PLEKHG3: variants seen among roughly 807,000 people sequenced by gnomAD.
PLEKHG3 encodes the protein pleckstrin homology domain-containing family G member 3.
PLEKHG3 carries 62 observed loss-of-function variants against 94.9 expected under a neutral mutation model. The ratio of observed to expected loss-of-function variants is 0.65; its 90% CI spans 0.53 to 0.81. The LOEUF (loss-of-function observed/expected upper bound fraction) is 0.81. Among genes scored for constraint, PLEKHG3 ranks in the 30% least tolerant of loss-of-function variants. The pLI is 0.00. For synonymous variants in PLEKHG3, 614 were observed against 654.0 expected (o/e 0.94, Z 0.93); for missense variants, 1,461 against 1,619.3 (o/e 0.90, Z 1.68).
chr14:64,715,952 T>C lies in PLEKHG3; in HGVS notation c.-40+11248T>C. 2 of 441,910 alleles carry C rather than the reference T, an allele frequency of 4.5e-6. No homozygotes were observed. The highest frequency in any genetic ancestry group is 9.0e-6 in the Non-Finnish European group (2 of 221,036). The allele number at this position is 441,910 out of a possible 1,614,324, so 27.4% of individuals were successfully genotyped here. A position where few individuals can be genotyped will look rare whatever the true frequency, so the allele number is the denominator to read the frequency against. On this transcript the variant is annotated intron_variant, in intron 1 of 16. Transcript: ENST00000247226. This position sits in a 1 kb window ranked among gnomAD's most constrained non-coding sequence, Gnocchi z 4.4. The stretch of plus-strand genomic sequence containing the variant: ...GTTTTGCAGGAGGCGGCGGGCGCTT[T>C]AATTCCCGAGGCTGTTGGTGGCAGC...
rs551511018 is a variant in PLEKHG3 at position 64,728,661 on chromosome 14, C to T, written c.352-335C>T. 3.9e-5 allele frequency among the ~76,000 whole-genome samples: 6 copies of T among 152,248 alleles called. No individual in the cohort carries two copies. The highest frequency in any genetic ancestry group is 2.0e-4 in the Admixed American group (3 of 15,296). On this transcript the variant is annotated intron_variant, in intron 2 of 16. Coordinates refer to ENST00000247226, the MANE Select transcript of PLEKHG3 (RefSeq NM_001308147.2). The surrounding 1 kb of genome is among the most constrained non-coding windows in gnomAD (Gnocchi z 5.9). ...CTTTGACATTGTTGGCCTGGAGATG[C>T]GGCCCAGCACCTTCCCATCACCTTT...
rs1393205452 is a variant in PLEKHG3 at position 64,741,218 on chromosome 14, G to C, written c.1701G>C (p.Glu567Asp). ...PGDMVDFVAA[E>D]STEDLKALSS... ...ACATGGTGGACTTCGTGGCAGCTGA[G>C]AGCACTGAGGACCTTAAGGCCCTGA... The change falls in exon 16 of 17, where the codon GAG (glutamate) becomes GAC (aspartate). Residue 567 changes from glutamate to aspartate, a missense_variant. Around this residue, in one of 3 missense-constraint regions of PLEKHG3, gnomAD observed 1,201 missense variants for 1,295.5 expected, o/e 0.93. Transcript: ENST00000247226. 1 of 1,613,926 alleles carries C rather than the reference G, an allele frequency of 6.2e-7. No homozygotes were observed. Among genetic ancestry groups the C allele is most frequent in the African/African-American group, 1.3e-5 (1 of 74,946 alleles).
intron 1 of PLEKHG3, among the ~76,000 whole-genome samples, chr14:64,709,150 C>T (rs994417437): frequency 6.6e-6 from 1 of 152,172 alleles, no homozygotes; most frequent in Non-Finnish European, 1.5e-5. Flanking sequence ...TGGTGCTGGA[C>T]TCATCTTTGT....
In PLEKHG3 at chr14:64,750,064, A is replaced by C. The variant is rs768683098; in HGVS notation, c.*6361A>C. The C allele has an allele frequency of 2.5e-6, 4 of 1,614,066 alleles. No individual in the cohort carries two copies. Among genetic ancestry groups the C allele is most frequent in the Non-Finnish European group, 3.4e-6 (4 of 1,180,032 alleles). On this transcript the variant is annotated 3_prime_UTR_variant, in exon 17 of 17. Transcript: ENST00000247226. ...GTCTCAGGGCCAGGGGTTCCTCCCC[A>C]TGGTAGGGCATCCCCAGGGCCAGGT... is the stretch of plus-strand genomic sequence containing the variant.
At position 64,727,892 on chromosome 14, in the gene PLEKHG3, A is replaced by C. The variant is rs775176379; in HGVS notation, c.261A>C (p.Ala87=). 1.9e-6 allele frequency: 3 copies of C among 1,613,152 alleles called. No individual in the cohort carries two copies. The change falls in exon 2 of 17, where the codon GCA becomes GCC. Residue 87 remains alanine (A), a synonymous_variant. Coordinates refer to ENST00000247226, the MANE Select transcript of PLEKHG3 (RefSeq NM_001308147.2). This position sits in a 1 kb window ranked among gnomAD's most constrained non-coding sequence, Gnocchi z 6.0. ...PFNSRAAAGP[A]HHKLSYLGRV... is the part of the protein sequence containing the mutation. ...ACAGCCGGGCAGCGGCAGGGCCTGC[A>C]CACCACAAGCTCAGCTACCTGGGCC...
At chr14:64,736,928 G>T in intron 13 of PLEKHG3, 37 bp downstream of exon 13, 4 of 1,556,262 alleles carry the variant, frequency 2.6e-6, no homozygotes, top group Non-Finnish European at 3.5e-6. Context: ...CCCAGTGAGC[G>T]GGGGAGGAGG....
At position 64,740,324 on chromosome 14, in the gene PLEKHG3, G is replaced by A. The variant is rs41447044; in HGVS notation, c.1519-712G>A. ...TCCTTAAAGACTGCTCTGGAAAGCC[G>A]CGTATGTCATCAGTTCTGTGGTTCA... On this transcript the variant is annotated intron_variant, in intron 15 of 16. Transcript: ENST00000247226. 5.0e-3 allele frequency among the ~76,000 whole-genome samples: 755 copies of A among 152,324 alleles called. 8 individuals carry two copies. The highest frequency in any genetic ancestry group is 0.017 in the African/African-American group (717 of 41,562).
At chr14:64,706,511 G>A (rs1362483624) in intron 1 of PLEKHG3, among the ~76,000 whole-genome samples, 2 of 152,238 alleles carry the variant, frequency 1.3e-5, no homozygotes, top group Non-Finnish European at 2.9e-5. Flanking sequence ...AGCCTCATTT[G>A]TGGAAAGTGC....
chr14:64,733,866 T>C (rs773074246), intron 12 of PLEKHG3, among the ~76,000 whole-genome samples: 5 of 152,222 alleles, frequency 3.3e-5, no homozygotes, highest in Non-Finnish European at 7.3e-5. Flanking sequence ...GGTTTTTTCG[T>C]TGCTATTTAG....
At chr14:64,737,398 G>T (rs1355823285) in intron 14 of PLEKHG3, 23 bp downstream of exon 14, 3 of 1,559,026 alleles carry the variant, frequency 1.9e-6, no homozygotes, top group Non-Finnish European at 2.6e-6. Flanking sequence ...GGGAGGAGGG[G>T]ACTGGCTGAC....
In PLEKHG3 at chr14:64,743,816, G is replaced by A. The variant is rs904092625; in HGVS notation, c.*113G>A. 5.0e-6 allele frequency: 6 copies of A among 1,196,846 alleles called. No homozygotes were observed. The highest frequency in any genetic ancestry group is 6.8e-6 in the Non-Finnish European group (6 of 882,470). 74.1% of individuals were successfully genotyped at this position (1,196,846 alleles called of 1,614,324 possible). A position where few individuals can be genotyped will look rare whatever the true frequency, so the allele number is the denominator to read the frequency against. On this transcript the variant is annotated 3_prime_UTR_variant, in exon 17 of 17. Coordinates refer to ENST00000247226, the MANE Select transcript of PLEKHG3 (RefSeq NM_001308147.2). This position sits in a 1 kb window ranked among gnomAD's most constrained non-coding sequence, Gnocchi z 7.2. ...CCTGCCCAGGGCCCTCAGGTGGGCGGAAAGTCCATCCCCTCCGCCCTTCAG... is the reference window on the plus strand; with the variant it reads ...CCTGCCCAGGGCCCTCAGGTGGGCGAAAAGTCCATCCCCTCCGCCCTTCAG...
chr14:64,741,583 C>T lies in PLEKHG3; in HGVS notation c.2066C>T (p.Pro689Leu). ...DSPSVNGMEP[P>L]SPGCPVEPDR... The stretch of plus-strand genomic sequence containing the variant: ...CCTTCTGTCAATGGGATGGAGCCCC[C>T]AAGCCCAGGCTGCCCAGTGGAGCCT... Residue 689 changes from proline (P) to leucine (L), a missense_variant, in exon 16 of 17, where the codon CCA becomes CTA. By Grantham distance (98) the Pro-to-Leu change is moderately conservative. Around this residue, in one of 3 missense-constraint regions of PLEKHG3, gnomAD observed 1,201 missense variants for 1,295.5 expected, o/e 0.93. Coordinates refer to ENST00000247226, the MANE Select transcript of PLEKHG3 (RefSeq NM_001308147.2). The T allele has an allele frequency of 1.9e-6, 3 of 1,612,972 alleles. No individual in the cohort carries two copies. The highest frequency in any genetic ancestry group is 1.6e-4 in the Middle Eastern group (1 of 6,062).
In PLEKHG3 at chr14:64,717,112, C is replaced by CT. The variant is rs5809246; in HGVS notation, c.-39-10481_-39-10480insT. On this transcript the variant is annotated intron_variant, in intron 1 of 16. Transcript: ENST00000247226. This position sits in a 1 kb window ranked among gnomAD's most constrained non-coding sequence, Gnocchi z 4.7. ...GGCTGGCCGCCTTTGGGAATTTACA[C>CT]GTGTGTGTGTGTGTGTGTGTGTGTG... 1.4e-5 allele frequency among the ~76,000 whole-genome samples: 2 copies of CT among 144,372 alleles called. No individual in the cohort carries two copies. Among genetic ancestry groups the CT allele is most frequent in the African/African-American group, 5.2e-5 (2 of 38,728 alleles). 94.7% of individuals were successfully genotyped at this position (144,372 alleles called of 152,430 possible).
At chr14:64,708,565 A>G (rs1456702819) in intron 1 of PLEKHG3, among the ~76,000 whole-genome samples, 1 of 152,206 alleles carries the variant, frequency 6.6e-6, no homozygotes, top group African/African-American at 2.4e-5. Flanking sequence ...TTAAAGTAAC[A>G]GAGTGACAGA....
In PLEKHG3 at chr14:64,741,152, T is replaced by C. The variant is rs1010544950; in HGVS notation, c.1635T>C (p.Leu545=). The C allele has an allele frequency of 1.2e-6, 2 of 1,614,154 alleles. No homozygotes were observed. Among genetic ancestry groups the C allele is most frequent in the East Asian group, 2.2e-5 (1 of 44,892 alleles). ...CTCCAGAAGTCCTGGAGACACAGCT[T>C]GATGCCCACCAGGGCCTTCTGGGGA... ...TESPEVLETQ[L]DAHQGLLGMD... The change falls in exon 16 of 17, where the codon CTT becomes CTC. Residue 545 remains leucine, a synonymous_variant. Coordinates refer to ENST00000247226, the MANE Select transcript of PLEKHG3 (RefSeq NM_001308147.2).
At position 64,733,859 on chromosome 14, in the gene PLEKHG3, T is replaced by G. The variant is rs542904104; in HGVS notation, c.1345+958T>G. 9.1e-3 allele frequency among the ~76,000 whole-genome samples: 1,378 copies of G among 152,228 alleles called. 19 individuals are homozygous for G. The highest frequency in any genetic ancestry group is 0.032 in the African/African-American group (1,314 of 41,526). ...GGGTGTGTGTGTTTTCAAAATTGGT[T>G]TTTTCGTTGCTATTTAGTGCAAGGC... On this transcript the variant is annotated intron_variant, in intron 12 of 16. Coordinates refer to ENST00000247226, the MANE Select transcript of PLEKHG3 (RefSeq NM_001308147.2).
Position 64,750,080 on chromosome 14 carries a change from A to G in PLEKHG3, c.*6377A>G. 6.2e-7 allele frequency: 1 copy of G among 1,614,214 alleles called. No individual in the cohort carries two copies. The highest frequency in any genetic ancestry group is 8.5e-7 in the Non-Finnish European group (1 of 1,180,030). ...TTCCTCCCCATGGTAGGGCATCCCC[A>G]GGGCCAGGTTCTTGGCATCCTTGTA... On this transcript the variant is annotated 3_prime_UTR_variant, in exon 17 of 17. Transcript: ENST00000247226.
rs1473101829 is a variant in PLEKHG3, at chr14:64,741,686, T to C, written c.2169T>C (p.Tyr723=). 3 of 1,612,918 alleles carry C rather than the reference T, an allele frequency of 1.9e-6. No homozygotes were observed. In the East Asian group the frequency reaches 6.7e-5, roughly 36 times the overall value. The change falls in exon 16 of 17, where the codon TAT becomes TAC. Residue 723 remains tyrosine (Y), a synonymous_variant. Coordinates refer to ENST00000247226, the MANE Select transcript of PLEKHG3 (RefSeq NM_001308147.2). ...DRLLLDKIKS[Y]YENAEHHDAG... is the part of the protein sequence containing the mutation. ...TGTTGCTAGACAAGATTAAGAGCTA[T>C]TATGAAAATGCAGAACACCATGATG...
Position 64,727,802 on chromosome 14 carries a change from T to G in PLEKHG3, c.171T>G (p.His57Gln). The change falls in exon 2 of 17, where the codon CAT becomes CAG. Residue 57 changes from histidine to glutamine, a missense_variant. Physicochemically the swap from His to Gln is conservative, Grantham distance 24 (BLOSUM62 0). Coordinates refer to ENST00000247226, the MANE Select transcript of PLEKHG3 (RefSeq NM_001308147.2). The surrounding 1 kb of genome is among the most constrained non-coding windows in gnomAD (Gnocchi z 6.0). ...GGGCAGGCTCCCTGAGAAGCCGGCA[T>G]CTGCCCAACAGCAACAACAACTCCA... ...KNGAGSLRSR[H>Q]LPNSNNNSSS... 6.2e-7 allele frequency: 1 copy of G among 1,610,878 alleles called. No homozygotes were observed. The highest frequency in any genetic ancestry group is 8.5e-7 in the Non-Finnish European group (1 of 1,177,644).
Sources: gnomAD v4.1 joint callset for allele counts (sites outside exome capture counted in the v4.1 genomes callset) on GRCh38, gnomAD v4.1.1 for gene constraint, gnomAD v4.1.1 regional missense constraint, Gnocchi (gnomAD v3.1) non-coding constraint, MANE v1.5 for transcripts, NCBI Gene and HGNC (gene_info 2026-07-23, HGNC 2026-07-21) for gene names.